ZMAT5: variants seen among roughly 807,000 people sequenced by gnomAD.
ZMAT5 encodes the protein zinc finger matrin-type protein 5.
A neutral mutation model predicts 28.0 loss-of-function variants in ZMAT5; 23 were observed. That is an observed-to-expected ratio of 0.82 (90% CI 0.59 to 1.16). The LOEUF (loss-of-function observed/expected upper bound fraction) is 1.16. ZMAT5 is among the 50% of genes most tolerant of loss of function. ZMAT5 has a pLI of 0.00. For synonymous variants in ZMAT5, 76 were observed against 84.1 expected, an observed-to-expected ratio of 0.90 and a Z score of 0.52; for missense variants, 173 against 212.7, an observed-to-expected ratio of 0.81 and a Z score of 1.16.
chr22:29,751,289 G>C (rs1034098466), intron 1 of ZMAT5, among the ~76,000 whole-genome samples: 4 of 152,106 alleles, frequency 2.6e-5, no homozygotes, highest in African/African-American at 9.7e-5. Context: ...TGTGACCTTG[G>C]GCAAGTCACT....
Position 29,734,434 on chromosome 22 carries a change from G to A in ZMAT5, c.384-3080C>T, listed in dbSNP as rs184347120. ...CTGGGGGAGGAAGCAGATACCCTGA[G>A]AGGAAGAGGGGGTCCCCCAGGCTTC... is the stretch of plus-strand genomic sequence containing the variant. On this transcript the variant is annotated intron_variant, in intron 5 of 5. Transcript: ENST00000344318. Among the ~76,000 whole-genome samples the A allele has an allele frequency of 1.7e-3, 264 of 152,352 alleles. 1 individual carries two copies. Among genetic ancestry groups the A allele is most frequent in the East Asian group, 0.015 (75 of 5,170 alleles).
chr22:29,748,684 C>G, intron 1 of ZMAT5, 113 bp from the exon 2 acceptor site: 1 of 1,350,514 alleles, frequency 7.4e-7, no homozygotes, highest in South Asian at 1.4e-5. Context: ...TCATATGCAC[C>G]CCGCCCCATT....
At chr22:29,761,089 G>A (rs1051503170) in intron 1 of ZMAT5, among the ~76,000 whole-genome samples, 8 of 151,624 alleles carry the variant, frequency 5.3e-5, no homozygotes, top group South Asian at 2.1e-4. Flanking sequence ...CCTGGCCAAC[G>A]TGGTGAAACC....
At chr22:29,759,357 G>A (rs975996712) in intron 1 of ZMAT5, among the ~76,000 whole-genome samples, 1 of 152,026 alleles carries the variant, frequency 6.6e-6, no homozygotes, top group Non-Finnish European at 1.5e-5. Context: ...CTCACCTCTG[G>A]ACTCCTCACA....
intron 1 of ZMAT5, among the ~76,000 whole-genome samples, chr22:29,757,442 T>A (rs1448395264): frequency 1.3e-5 from 2 of 152,188 alleles, no homozygotes; most frequent in Non-Finnish European, 2.9e-5. Flanking sequence ...AGCAAACTGC[T>A]TACCTCTGAG....
chr22:29,763,772 A>C (rs1184549411), intron 1 of ZMAT5, among the ~76,000 whole-genome samples: 1 of 152,122 alleles, frequency 6.6e-6, no homozygotes, highest in African/African-American at 2.4e-5. Context: ...TAGTCTTTAC[A>C]AAAAATCTAT....
chr22:29,741,882 G>A (rs1019032494), intron 3 of ZMAT5, among the ~76,000 whole-genome samples: 4 of 152,108 alleles, frequency 2.6e-5, no homozygotes, highest in African/African-American at 7.2e-5. Context: ...TCAAACTCCT[G>A]GCCTCAAGCA....
intron 4 of ZMAT5, among the ~76,000 whole-genome samples, chr22:29,739,863 C>T (rs1449474707): frequency 6.6e-6 from 1 of 152,234 alleles, no homozygotes; most frequent in Non-Finnish European, 1.5e-5. Flanking sequence ...GGGCACGGAG[C>T]CTGCAGTGTC....
At chr22:29,748,033 A>C (rs963873636) in intron 2 of ZMAT5, 6 of 302,466 alleles carry the variant, frequency 2.0e-5, no homozygotes, top group African/African-American at 8.7e-5. Context: ...CTTGAGCCCT[A>C]CCATTCTCCC....
intron 3 of ZMAT5, among the ~76,000 whole-genome samples, chr22:29,741,951 GC>G (rs1465073715): frequency 6.6e-6 from 1 of 152,100 alleles, no homozygotes; most frequent in Non-Finnish European, 1.5e-5. Flanking sequence ...ACCATGCTCG[GC>G]CCTTTATCTC....
intron 3 of ZMAT5, 96 bp downstream of exon 3, chr22:29,742,321 TG>T: frequency 7.8e-7 from 1 of 1,282,946 alleles, no homozygotes. Context: ...CTTGGGATGG[TG>T]GCCCGGGTCG....
rs12159349 is a variant in ZMAT5 at position 29,736,949 on chromosome 22, C to G, written c.383+1381G>C. Among the ~76,000 whole-genome samples, 160 of 151,562 alleles carry G rather than the reference C, an allele frequency of 1.1e-3. 2 individuals carry two copies. Among genetic ancestry groups the G allele is most frequent in the African/African-American group, 3.8e-3 (157 of 41,256 alleles). ...GGCTGAGGCAGGAGAATGGCGTGAA[C>G]CCCAAGAGGTGGAGTTTGCAATGAG... On this transcript the variant is annotated intron_variant, in intron 5 of 5. Coordinates refer to ENST00000344318, the MANE Select transcript of ZMAT5 (RefSeq NM_001003692.2).
chr22:29,734,089 G>T (rs1032080446), intron 5 of ZMAT5, among the ~76,000 whole-genome samples: 2 of 152,230 alleles, frequency 1.3e-5, no homozygotes, highest in South Asian at 2.1e-4. Flanking sequence ...GCCCAGAGAG[G>T]GGTGCAAAGG....
chr22:29,743,375 G>C (rs376241032), intron 2 of ZMAT5, among the ~76,000 whole-genome samples: 2 of 152,114 alleles, frequency 1.3e-5, no homozygotes, highest in African/African-American at 4.8e-5. Context: ...TCACTCTGTA[G>C]CATCGGCAAT....
intron 1 of ZMAT5, among the ~76,000 whole-genome samples, chr22:29,764,820 G>A (rs2068191838): frequency 6.6e-6 from 1 of 151,924 alleles, no homozygotes. Flanking sequence ...TGTTTTTCAT[G>A]GAGACGGTCT....
chr22:29,764,739 G>C (rs1305553883), intron 1 of ZMAT5, among the ~76,000 whole-genome samples: 1 of 152,132 alleles, frequency 6.6e-6, no homozygotes, highest in Non-Finnish European at 1.5e-5. Context: ...CTGACCTCAA[G>C]TGATCCACCC....
chr22:29,742,550 AC>A, intron 2 of ZMAT5, 70 bp from the exon 3 acceptor site: 1 of 1,433,124 alleles, frequency 7.0e-7, no homozygotes, highest in Non-Finnish European at 9.8e-7. Flanking sequence ...AGTGGAAGCC[AC>A]AGGGGCATAT....
chr22:29,761,171 C>T (rs1467817024), intron 1 of ZMAT5, among the ~76,000 whole-genome samples: 1 of 149,716 alleles, frequency 6.7e-6, no homozygotes, highest in Non-Finnish European at 1.5e-5. Flanking sequence ...TACTCAGGAG[C>T]CTGAGGCAGG....
chr22:29,734,937 C>T (rs1048953137), intron 5 of ZMAT5, among the ~76,000 whole-genome samples: 20 of 152,102 alleles, frequency 1.3e-4, no homozygotes, highest in Admixed American at 4.6e-4. Flanking sequence ...GAGGATCCCC[C>T]GCGGGAGCAG....
Sources: allele counts gnomAD v4.1 joint callset (sites outside exome capture counted in the v4.1 genomes callset), GRCh38; gene constraint gnomAD v4.1.1; transcripts MANE v1.5; gene names NCBI Gene and HGNC (gene_info 2026-07-23, HGNC 2026-07-21).